The following SYTL2 variants were observed in gnomAD, a reference collection of about 807,000 sequenced individuals.
SYTL2 encodes the protein synaptotagmin-like protein 2.
SYTL2 carries 165 observed loss-of-function variants against 198.7 expected under a neutral mutation model. That is an observed-to-expected ratio of 0.83 (90% CI 0.73 to 0.94). SYTL2 has a LOEUF of 0.94. SYTL2 is among the 40% of genes least tolerant of loss of function. The probability of loss-of-function intolerance (pLI) is 0.00; values close to 1 mark genes in which losing one functional copy is unlikely to be tolerated. For missense variants in SYTL2, 2,835 were observed against 2,582.8 expected (o/e 1.10, Z -2.12); for synonymous variants, 966 against 917.7 (o/e 1.05, Z -0.95).
chr11:85,833,744 T>C, the SYTL2 span, among the ~76,000 whole-genome samples: 2 of 150,322 alleles, frequency 1.3e-5, no homozygotes, highest in African/African-American at 4.9e-5. Flanking sequence ...TTTTTTTTTT[T>C]TTTTGAGACA....
At chr11:85,696,414 A>G (rs1241247751) in intron 18 of SYTL2, 26 bp from the exon 19 acceptor site, 1 of 1,567,486 alleles carries the variant, frequency 6.4e-7, no homozygotes. Flanking sequence ...TGATTGTGGG[A>G]GCATTTTAGT....
chr11:85,779,438 T>C (rs2092519176), intron 1 of SYTL2, among the ~76,000 whole-genome samples: 1 of 152,216 alleles, frequency 6.6e-6, no homozygotes, highest in Non-Finnish European at 1.5e-5. Flanking sequence ...TCATTCCTAT[T>C]TCACAAAAGA....
chr11:85,779,545 A>G (rs2092521515), intron 1 of SYTL2, among the ~76,000 whole-genome samples: 1 of 152,186 alleles, frequency 6.6e-6, no homozygotes, highest in South Asian at 2.1e-4. Context: ...TATATTATAG[A>G]TATAAGTTAC....
At chr11:85,786,623 G>C (rs908000097) in intron 1 of SYTL2, among the ~76,000 whole-genome samples, 4 of 152,170 alleles carry the variant, frequency 2.6e-5, no homozygotes, top group African/African-American at 9.7e-5. Context: ...ACCAGTTTGA[G>C]AGTGTGTGTA....
chr11:85,796,151 T>C (rs929227479), intron 1 of SYTL2, among the ~76,000 whole-genome samples: 14 of 152,238 alleles, frequency 9.2e-5, no homozygotes, highest in African/African-American at 2.9e-4. Context: ...GGAGTCGGGC[T>C]TGAGCTTGAA....
chr11:85,766,240 G>T (rs17811120), intron 1 of SYTL2, among the ~76,000 whole-genome samples: 5,710 of 152,242 alleles, frequency 0.038, 169 homozygotes, highest in East Asian at 0.098. Context: ...AATTTTTCAT[G>T]CTTGCCAGTC....
the SYTL2 span, among the ~76,000 whole-genome samples, chr11:85,850,560 A>C: frequency 6.6e-6 from 1 of 151,228 alleles, no homozygotes; most frequent in African/African-American, 2.4e-5. Context: ...AAATAGGAAC[A>C]CTTTTACACT....
the SYTL2 span, among the ~76,000 whole-genome samples, chr11:85,850,580 A>G: frequency 1.3e-5 from 2 of 151,380 alleles, no homozygotes; most frequent in African/African-American, 4.9e-5. Flanking sequence ...TGTTGGTGGG[A>G]CTGTAAACTA....
At chr11:85,827,314 C>G in the SYTL2 span, among the ~76,000 whole-genome samples, 1 of 152,198 alleles carries the variant, frequency 6.6e-6, no homozygotes, top group Non-Finnish European at 1.5e-5. Context: ...AAGCACTGCT[C>G]TGCACCGGTC....
At chr11:85,789,368 A>AAT (rs2092693753) in intron 1 of SYTL2, among the ~76,000 whole-genome samples, 1 of 52,378 alleles carries the variant, frequency 1.9e-5, no homozygotes, top group Non-Finnish European at 3.6e-5. Flanking sequence ...ATATATATAT[A>AAT]TATATATATG....
chr11:85,773,318 C>T (rs1044793679), intron 1 of SYTL2, among the ~76,000 whole-genome samples: 1 of 152,206 alleles, frequency 6.6e-6, no homozygotes, highest in Non-Finnish European at 1.5e-5. Flanking sequence ...CCATTTCTCC[C>T]GACACAGTAC....
At chr11:85,734,782 A>G (rs752458935) in intron 6 of SYTL2, 40 bp from the exon 7 acceptor site, 4 of 1,385,958 alleles carry the variant, frequency 2.9e-6, no homozygotes, top group Non-Finnish European at 4.0e-6. Flanking sequence ...TCATATAGAG[A>G]GTAATATATA....
chr11:85,697,763 C>T (rs1432465910), intron 18 of SYTL2, among the ~76,000 whole-genome samples: 1 of 152,190 alleles, frequency 6.6e-6, no homozygotes, highest in African/African-American at 2.4e-5. Flanking sequence ...AGTATGAGGT[C>T]TCTAGTTTCA....
chr11:85,744,661 T>C (rs764215744), intron 4 of SYTL2, among the ~76,000 whole-genome samples: 4 of 152,210 alleles, frequency 2.6e-5, no homozygotes, highest in Non-Finnish European at 4.4e-5. Flanking sequence ...GCTAGAAATA[T>C]CCCTGTTTCC....
chr11:85,798,767 C>T (rs531184282), intron 1 of SYTL2, among the ~76,000 whole-genome samples: 12 of 152,208 alleles, frequency 7.9e-5, no homozygotes, highest in Non-Finnish European at 1.5e-4. Flanking sequence ...CCAGACTGTT[C>T]ATTAGAGATT....
At chr11:85,808,157 C>G (rs1412522061) in intron 1 of SYTL2, among the ~76,000 whole-genome samples, 1 of 152,140 alleles carries the variant, frequency 6.6e-6, no homozygotes, top group African/African-American at 2.4e-5. Flanking sequence ...ACCTCCGCCT[C>G]CCGGGTTCAA....
At chr11:85,797,473 C>G (rs966636801) in intron 1 of SYTL2, among the ~76,000 whole-genome samples, 1 of 151,448 alleles carries the variant, frequency 6.6e-6, no homozygotes, top group Non-Finnish European at 1.5e-5. Flanking sequence ...ACTGAAAATA[C>G]AAAAATTAGC....
the SYTL2 span, among the ~76,000 whole-genome samples, chr11:85,846,066 G>A: frequency 6.6e-6 from 1 of 152,218 alleles, no homozygotes; most frequent in Non-Finnish European, 1.5e-5. Context: ...GGATGGGCCA[G>A]CTGGGACAGT....
intron 1 of SYTL2, among the ~76,000 whole-genome samples, chr11:85,789,360 A>ATG (rs2092692579): frequency 3.2e-5 from 2 of 61,976 alleles, no homozygotes; most frequent in African/African-American, 1.3e-4. Flanking sequence ...ATATATATAT[A>ATG]TATATATATA....
Sources: allele counts gnomAD v4.1 joint callset (sites outside exome capture counted in the v4.1 genomes callset), GRCh38; gene constraint gnomAD v4.1.1; transcripts MANE v1.5; gene names NCBI Gene and HGNC (gene_info 2026-07-23, HGNC 2026-07-21).